Variants in BCL6 observed in about 807,000 individuals in gnomAD.
The protein encoded by BCL6 is B-cell lymphoma 6 protein.
BCL6 carries 7 observed loss-of-function variants against 59.5 expected under a neutral mutation model. The observed-to-expected ratio is 0.12, with a 90% CI of 0.07 to 0.22. BCL6 has a LOEUF of 0.22. BCL6 is among the 10% of genes least tolerant of loss of function. BCL6 has a pLI of 1.00. For missense variants in BCL6, 685 were observed against 939.4 expected (o/e 0.73, Z 3.54); for synonymous variants, 339 against 349.7 (o/e 0.97, Z 0.34).
chr3:187,735,176 T>C (rs975805142), intron 1 of BCL6, among the ~76,000 whole-genome samples: 4 of 152,226 alleles, frequency 2.6e-5, no homozygotes, highest in African/African-American at 9.6e-5. Context: ...CATACATACA[T>C]ATATTTCCTT....
intron 3 of BCL6, 99 bp downstream of exon 3, chr3:187,733,434 T>C: frequency 7.2e-7 from 1 of 1,398,258 alleles, no homozygotes; most frequent in Admixed American, 1.9e-5. Context: ...CGAGACGTCA[T>C]CCCAGATGCA....
intron 1 of BCL6, among the ~76,000 whole-genome samples, chr3:187,738,423 T>G (rs555649179): frequency 6.6e-6 from 1 of 152,184 alleles, no homozygotes; most frequent in East Asian, 1.9e-4. Flanking sequence ...CAGCTCCACT[T>G]GGTTTCCGCC....
At chr3:187,744,511 A>T (rs1711786287) in intron 1 of BCL6, among the ~76,000 whole-genome samples, 1 of 152,036 alleles carries the variant, frequency 6.6e-6, no homozygotes, top group African/African-American at 2.4e-5. Context: ...GGCTCTCATT[A>T]GGAAGATCAC....
chr3:187,729,298 G>T lies in BCL6; in HGVS notation c.1107C>A (p.Asp369Glu). 1.2e-6 allele frequency: 2 copies of T among 1,614,150 alleles called. No individual in the cohort carries two copies. The highest frequency in any genetic ancestry group is 2.2e-5 in the South Asian group (2 of 91,084). Residue 369 changes from aspartate (D) to glutamate (E), a missense_variant, in exon 5 of 10, where the codon GAC (aspartate) becomes GAA (glutamate). Asp to Glu is a conservative substitution (Grantham distance 45). Coordinates refer to ENST00000406870, the MANE Select transcript of BCL6 (RefSeq NM_001706.5). The surrounding 1 kb of genome is among the most constrained non-coding windows in gnomAD (Gnocchi z 5.6). ...ATTTCTTCCAGTTGCAGGCTTTGGG[G>T]TCAGTGGGGCTCTTGGCTGGAGGGG... is the stretch of plus-strand genomic sequence containing the variant. ...SGSPPAKSPT[D>E]PKACNWKKYK...
At chr3:187,724,736 G>A in intron 9 of BCL6, 1 of 670,368 alleles carries the variant, frequency 1.5e-6, no homozygotes, top group South Asian at 1.9e-5. Context: ...CCTAATGCTT[G>A]GGCCAAGGTC....
intron 1 of BCL6, among the ~76,000 whole-genome samples, chr3:187,743,546 G>C (rs566821508): frequency 1.3e-5 from 2 of 152,202 alleles, no homozygotes; most frequent in Middle Eastern, 3.4e-3. Context: ...TAAAAAATCG[G>C]TTTGGTTGTG....
chr3:187,730,086 C>T (rs2108467162), intron 4 of BCL6, 65 bp from the exon 5 acceptor site: 1 of 1,507,006 alleles, frequency 6.6e-7, no homozygotes, highest in South Asian at 1.4e-5. Context: ...GATGACCTTC[C>T]AGTGACACTT....
At position 187,722,449 on chromosome 3, in the gene BCL6, C is replaced by T. The variant is rs769976593; in HGVS notation, c.*9G>A. The T allele has an allele frequency of 6.8e-6, 11 of 1,610,804 alleles. No homozygotes were observed. The Admixed American group carries it at 8.4e-5, about 12-fold the overall frequency. On this transcript the variant is annotated 3_prime_UTR_variant, in exon 10 of 10. Transcript: ENST00000406870. Reference sequence around the variant, plus strand: ...GGGGCTGGAGACGAAAGCATCAACACTCCATGCTTCAGCAGGCTTTGGGGA... The same window carrying T: ...GGGGCTGGAGACGAAAGCATCAACATTCCATGCTTCAGCAGGCTTTGGGGA...
chr3:187,744,861 A>G (rs1576885743), intron 1 of BCL6, among the ~76,000 whole-genome samples: 3 of 152,256 alleles, frequency 2.0e-5, no homozygotes, highest in East Asian at 3.9e-4. Flanking sequence ...ACACAGCCGC[A>G]CGAATCCAGA....
At chr3:187,743,294 A>G (rs559692598) in intron 1 of BCL6, among the ~76,000 whole-genome samples, 1 of 152,188 alleles carries the variant, frequency 6.6e-6, no homozygotes, top group East Asian at 1.9e-4. Flanking sequence ...AACTGAAAAA[A>G]AAATCCATAA....
chr3:187,735,541 A>T (rs1719245506), intron 1 of BCL6, among the ~76,000 whole-genome samples: 1 of 152,196 alleles, frequency 6.6e-6, no homozygotes, highest in Admixed American at 6.5e-5. Flanking sequence ...TATTCCTTGA[A>T]AACCTTTGTC....
chr3:187,738,972 G>A (rs1308131619), intron 1 of BCL6, among the ~76,000 whole-genome samples: 1 of 152,124 alleles, frequency 6.6e-6, no homozygotes, highest in Non-Finnish European at 1.5e-5. Flanking sequence ...CAAACCGAAT[G>A]GTGTTTTTAC....
intron 1 of BCL6, among the ~76,000 whole-genome samples, chr3:187,744,897 CAG>C: frequency 6.6e-6 from 1 of 152,232 alleles, no homozygotes; most frequent in Middle Eastern, 3.4e-3. Flanking sequence ...ACGCAAGCAG[CAG>C]CAGAAAGAGC....
intron 1 of BCL6, chr3:187,737,130 C>G (rs533517612): frequency 6.6e-6 from 1 of 152,236 alleles, no homozygotes; most frequent in African/African-American, 2.4e-5. Flanking sequence ...GACTTCCCAT[C>G]CCAATCTCCC....
At chr3:187,732,700 A>G (rs1201088244) in intron 3 of BCL6, among the ~76,000 whole-genome samples, 1 of 152,252 alleles carries the variant, frequency 6.6e-6, no homozygotes, top group Admixed American at 6.5e-5. Context: ...AGTAGGAGGA[A>G]CAATCATGTC....
rs1718911627 is a variant in BCL6 at position 187,729,468 on chromosome 3, C to G, written c.937G>C (p.Ala313Pro). 6.2e-7 allele frequency: 1 copy of G among 1,610,720 alleles called. No individual in the cohort carries two copies. The highest frequency in any genetic ancestry group is 8.5e-7 in the Non-Finnish European group (1 of 1,178,112). ...GCATTGGGGGGCTCGAAATGCAGGG[C>G]AATCTCATCTTCCGAGGAGGGTCTC... Reference protein sequence around the residue: ...EERPSSEDEIALHFEPPNAPL... With the variant: ...EERPSSEDEIPLHFEPPNAPL... Residue 313 changes from alanine (A) to proline (P), a missense_variant, in exon 5 of 10, where the codon GCC (alanine) becomes CCC (proline). Physicochemically the swap from Ala to Pro is conservative, Grantham distance 27 (BLOSUM62 -1). Around this residue, in one of 7 missense-constraint regions of BCL6, gnomAD observed 268 missense variants for 263.8 expected, o/e 1.02. Coordinates refer to ENST00000406870, the MANE Select transcript of BCL6 (RefSeq NM_001706.5). The surrounding 1 kb of genome is among the most constrained non-coding windows in gnomAD (Gnocchi z 5.6).
intron 1 of BCL6, among the ~76,000 whole-genome samples, chr3:187,744,735 CA>C: frequency 6.6e-6 from 1 of 152,072 alleles, no homozygotes; most frequent in African/African-American, 2.4e-5. Context: ...CGGAGTTACC[CA>C]GAAGGACAGG....
At position 187,729,673 on chromosome 3, in the gene BCL6, C is replaced by T. The variant is rs1206499252; in HGVS notation, c.732G>A (p.Arg244=). The T allele has an allele frequency of 2.5e-6, 4 of 1,613,976 alleles. No individual in the cohort carries two copies. The highest frequency in any genetic ancestry group is 3.3e-5 in the Admixed American group (2 of 59,984). ...CATTGGGGGACACCTCCAAAGTCGGCCGGCTGTACTCACCAGGGACTGGCC... is the reference window on the plus strand; with the variant it reads ...CATTGGGGGACACCTCCAAAGTCGGTCGGCTGTACTCACCAGGGACTGGCC... ...SARPVPGEYS[R]PTLEVSPNVC... Residue 244 remains arginine, a synonymous_variant, in exon 5 of 10, where the codon CGG becomes CGA. Transcript: ENST00000406870. This position sits in a 1 kb window ranked among gnomAD's most constrained non-coding sequence, Gnocchi z 5.6.
Position 187,737,347 on chromosome 3 carries a change from C to CAGAGAGAG in BCL6, c.-49-2448_-49-2441dup, listed in dbSNP as rs67618905. 441 of 68,406 alleles carry CAGAGAGAG rather than the reference C, an allele frequency of 6.4e-3. 1 individual carries two copies. Among genetic ancestry groups the CAGAGAGAG allele is most frequent in the African/African-American group, 0.016 (251 of 15,688 alleles). 4.2% of individuals were successfully genotyped at this position (68,406 alleles called of 1,614,324 possible). ...GAGAGAGAGAAGACAGCAGAAACGACAGAGAGAGAGAGAGAGAGAGAGAGA... is the reference window on the plus strand; with the variant it reads ...GAGAGAGAGAAGACAGCAGAAACGACAGAGAGAGAGAGAGAGAGAGAGAGAGAGAGAGA... On this transcript the variant is annotated intron_variant, in intron 1 of 9. Transcript: ENST00000406870.
Sources: gnomAD v4.1 joint callset for allele counts (sites outside exome capture counted in the v4.1 genomes callset) on GRCh38, gnomAD v4.1.1 for gene constraint, gnomAD v4.1.1 regional missense constraint, Gnocchi (gnomAD v3.1) non-coding constraint, MANE v1.5 for transcripts, NCBI Gene and HGNC (gene_info 2026-07-23, HGNC 2026-07-21) for gene names.